PPP2R2B: variants seen among roughly 807,000 people sequenced by gnomAD.
PPP2R2B encodes the protein protein phosphatase 2 regulatory subunit Bbeta, also known as serine/threonine-protein phosphatase 2A 55 kDa regulatory subunit B beta isoform.
A neutral mutation model predicts 46.0 loss-of-function variants in PPP2R2B; 5 were observed. The ratio of observed to expected loss-of-function variants is 0.11; its 90% CI spans 0.06 to 0.23. The LOEUF is 0.23. Ranked by LOEUF, PPP2R2B falls within the 10% of genes least tolerant of loss-of-function variation. The pLI, the probability that PPP2R2B is intolerant of heterozygous loss-of-function variation, is 1.00. For synonymous variants in PPP2R2B, 215 were observed against 206.7 expected, an observed-to-expected ratio of 1.04 and a Z score of -0.34; for missense variants, 367 against 575.0, an observed-to-expected ratio of 0.64 and a Z score of 3.70.
chr5:147,015,121 G>T (rs760593470), intron 1 of PPP2R2B, among the ~76,000 whole-genome samples: 1 of 152,000 alleles, frequency 6.6e-6, no homozygotes, highest in South Asian at 2.1e-4. Context: ...TGTTGTTTTT[G>T]TTCACCGATG....
intron 2 of PPP2R2B, among the ~76,000 whole-genome samples, chr5:146,771,482 C>A (rs1754851626): frequency 6.6e-6 from 1 of 152,090 alleles, no homozygotes; most frequent in African/African-American, 2.4e-5. Flanking sequence ...GGCTAAAATT[C>A]AGTAAAATAT....
intron 2 of PPP2R2B, among the ~76,000 whole-genome samples, chr5:146,719,544 G>A (rs1780673408): frequency 6.6e-6 from 1 of 152,264 alleles, no homozygotes; most frequent in East Asian, 1.9e-4. Context: ...ATGGGGAGGA[G>A]CTTAGCATGA....
At chr5:146,640,100 A>G (rs780120377) in intron 6 of PPP2R2B, among the ~76,000 whole-genome samples, 2 of 152,260 alleles carry the variant, frequency 1.3e-5, no homozygotes, top group Non-Finnish European at 2.9e-5. Flanking sequence ...GTAATCATCT[A>G]TGATCAAACA....
chr5:146,670,476 A>ATTATTTAT (rs58516893), intron 5 of PPP2R2B, among the ~76,000 whole-genome samples: 25,409 of 144,076 alleles, frequency 0.18, 2,349 homozygotes, highest in East Asian at 0.21. Flanking sequence ...TATGTGTACT[A>ATTATTTAT]TTATTTATTT....
intron 5 of PPP2R2B, chr5:146,656,733 G>A (rs1043698586): frequency 2.6e-5 from 4 of 152,452 alleles, no homozygotes; most frequent in Non-Finnish European, 5.9e-5. Context: ...AGTGAGTAAG[G>A]AAGCATGGCA....
intron 1 of PPP2R2B, among the ~76,000 whole-genome samples, chr5:146,957,407 G>T (rs985509276): frequency 6.6e-6 from 1 of 152,186 alleles, no homozygotes; most frequent in Admixed American, 6.5e-5. Flanking sequence ...TGACAGAAGT[G>T]TGTACCATGC....
At chr5:146,885,583 C>T (rs1328818811) in intron 1 of PPP2R2B, among the ~76,000 whole-genome samples, 1 of 152,166 alleles carries the variant, frequency 6.6e-6, no homozygotes, top group Non-Finnish European at 1.5e-5. Flanking sequence ...ATATTAAGCA[C>T]AGTTACCATA....
chr5:146,623,084 C>T (rs1006088258), intron 7 of PPP2R2B, among the ~76,000 whole-genome samples: 12 of 152,152 alleles, frequency 7.9e-5, no homozygotes, highest in Admixed American at 1.3e-4. Context: ...TGGAATCTTC[C>T]GGTACTTAAT....
chr5:146,781,133 T>TATATATATAC (rs1755490170), intron 2 of PPP2R2B, among the ~76,000 whole-genome samples: 1 of 27,760 alleles, frequency 3.6e-5, no homozygotes, highest in Admixed American at 3.0e-4. Flanking sequence ...GCCACCATGA[T>TATATATATAC]ATATATATAT....
At chr5:146,883,508 C>T (rs1325210193), upstream of PPP2R2B, among the ~76,000 whole-genome samples, 1 of 152,118 alleles carries the variant, frequency 6.6e-6, no homozygotes. Context: ...TGCAAAAAGC[C>T]CTTTATAAAC....
chr5:146,672,999 T>C (rs2151124141), intron 5 of PPP2R2B, among the ~76,000 whole-genome samples: 1 of 152,322 alleles, frequency 6.6e-6, no homozygotes. Flanking sequence ...TTACAGACTG[T>C]TTGGAATTTT....
intron 5 of PPP2R2B, among the ~76,000 whole-genome samples, chr5:146,653,251 G>C (rs987720518): frequency 1.3e-5 from 2 of 152,068 alleles, no homozygotes; most frequent in South Asian, 2.1e-4. Context: ...TATCACACAG[G>C]GTAGGTATGA....
At chr5:147,008,554 A>T (rs1754560733) in intron 1 of PPP2R2B, among the ~76,000 whole-genome samples, 1 of 152,104 alleles carries the variant, frequency 6.6e-6, no homozygotes, top group Non-Finnish European at 1.5e-5. Flanking sequence ...CCTTCTGCAT[A>T]GGTTGAGATG....
chr5:146,683,353 G>A (rs1778296149), intron 5 of PPP2R2B, among the ~76,000 whole-genome samples: 1 of 152,164 alleles, frequency 6.6e-6, no homozygotes. Flanking sequence ...ACAAGAGGCA[G>A]GACAGCAGCT....
intron 2 of PPP2R2B, among the ~76,000 whole-genome samples, chr5:146,750,795 T>C (rs1321104070): frequency 6.6e-6 from 1 of 152,160 alleles, no homozygotes; most frequent in Non-Finnish European, 1.5e-5. Flanking sequence ...AAACCTAAAA[T>C]GTTGGCACCT....
chr5:146,686,564 A>G (rs1778514062), intron 5 of PPP2R2B, among the ~76,000 whole-genome samples: 1 of 152,208 alleles, frequency 6.6e-6, no homozygotes. Context: ...GGTTGCTATA[A>G]TTATTTTTAT....
intron 1 of PPP2R2B, among the ~76,000 whole-genome samples, chr5:146,957,638 G>C (rs776967673): frequency 6.6e-6 from 1 of 152,144 alleles, no homozygotes; most frequent in African/African-American, 2.4e-5. Flanking sequence ...AGAGGCACCT[G>C]ACACAAATAG....
chr5:146,729,668 C>G (rs1486951858), intron 2 of PPP2R2B, among the ~76,000 whole-genome samples: 1 of 152,158 alleles, frequency 6.6e-6, no homozygotes, highest in Non-Finnish European at 1.5e-5. Context: ...CTGAAAAGGG[C>G]CAACATACAG....
At chr5:146,787,714 C>A (rs1755932695) in intron 2 of PPP2R2B, among the ~76,000 whole-genome samples, 1 of 152,028 alleles carries the variant, frequency 6.6e-6, no homozygotes. Context: ...ACTACAGGCG[C>A]ACACCACTAT....
Sources: gnomAD v4.1 joint callset for allele counts (sites outside exome capture counted in the v4.1 genomes callset) on GRCh38, gnomAD v4.1.1 for gene constraint, MANE v1.5 for transcripts, NCBI Gene and HGNC (gene_info 2026-07-23, HGNC 2026-07-21) for gene names.